GTF2I: variants seen among roughly 807,000 people sequenced by gnomAD.
GTF2I encodes the protein general transcription factor IIi.
A neutral mutation model predicts 67.6 loss-of-function variants in GTF2I; 12 were observed. The observed-to-expected ratio is 0.18, with a 90% confidence interval of 0.11 to 0.29. The LOEUF (loss-of-function observed/expected upper bound fraction) is 0.29. GTF2I is among the 10% of genes least tolerant of loss of function. The pLI is 1.00. For synonymous variants in GTF2I, 149 were observed against 197.0 expected (o/e 0.76, Z 2.04); for missense variants, 271 against 580.1 (o/e 0.47, Z 5.47).
chr7:74,708,925 C>A (rs1176557678), intron 8 of GTF2I, among the ~76,000 whole-genome samples: 1 of 152,220 alleles, frequency 6.6e-6, no homozygotes, highest in African/African-American at 2.4e-5. Context: ...ACTCTCTCCT[C>A]AAAATGGGGG....
chr7:74,699,014 C>A lies in GTF2I; in HGVS notation c.292C>A (p.Gln98Lys). ...AEMHKMKSTT[Q>K]ANRMSVDAVE... ...GATGCATAAAATGAAATCTACAACC[C>A]AGGCAAATCGGATGAGTGTAGATGC... The change falls in exon 4 of 35, where the codon CAG (glutamine) becomes AAG (lysine). Residue 98 changes from glutamine (Q) to lysine (K), a missense_variant. Gln to Lys is a moderately conservative substitution (Grantham distance 53, BLOSUM62 1). Transcript: ENST00000573035. 6.5e-7 allele frequency: 1 copy of A among 1,536,270 alleles called. No individual in the cohort carries two copies. The highest frequency in any genetic ancestry group is 1.4e-5 in the African/African-American group (1 of 72,508).
Position 74,692,022 on chromosome 7 carries a change from T to C in GTF2I, c.238+911T>C, listed in dbSNP as rs587726606. On this transcript the variant is annotated intron_variant, in intron 3 of 34. Transcript: ENST00000573035. ...AAACTCCTGACCTCAGGTGATCTGC[T>C]TGCCTTGGCCTCCCAAAGTGCTAGG... Among the ~76,000 whole-genome samples, 3 of 151,738 alleles carry C rather than the reference T, an allele frequency of 2.0e-5. No homozygotes were observed. In the South Asian group the frequency reaches 6.3e-4, roughly 32 times the overall value.
chr7:74,670,036 G>A (rs1262669754), intron 1 of GTF2I, among the ~76,000 whole-genome samples: 1 of 152,090 alleles, frequency 6.6e-6, no homozygotes, highest in African/African-American at 2.4e-5. Context: ...AGTTTGTTGG[G>A]AAATAAGCTA....
intron 3 of GTF2I, among the ~76,000 whole-genome samples, chr7:74,694,450 G>T (rs1241653066): frequency 1.3e-5 from 2 of 152,192 alleles, no homozygotes; most frequent in African/African-American, 4.8e-5. Context: ...AGCCAGGCCT[G>T]GTGGCGTGCA....
chr7:74,672,126 T>A (rs587740242), intron 1 of GTF2I, among the ~76,000 whole-genome samples: 1 of 152,244 alleles, frequency 6.6e-6, no homozygotes, highest in South Asian at 2.1e-4. Context: ...AGTTAAAAAT[T>A]AAAGTCAAAT....
At chr7:74,698,931 TTTTTA>T (rs1466731910) in intron 3 of GTF2I, 25 bp from the exon 4 acceptor site, 1 of 1,147,776 alleles carries the variant, frequency 8.7e-7, no homozygotes, top group Non-Finnish European at 1.2e-6. Flanking sequence ...TATTATTATT[TTTTTA>T]TTTTATTTTT....
At chr7:74,725,553 G>A (rs1398040668) in intron 12 of GTF2I, among the ~76,000 whole-genome samples, 1 of 151,922 alleles carries the variant, frequency 6.6e-6, no homozygotes, top group East Asian at 1.9e-4. Context: ...AATTAGCTGG[G>A]CGTGGTGGTG....
Position 74,677,214 on chromosome 7 carries a change from G to A in GTF2I, c.-5-11910G>A, listed in dbSNP as rs1285044710. Among the ~76,000 whole-genome samples, 5 of 152,164 alleles carry A rather than the reference G, an allele frequency of 3.3e-5. No homozygotes were observed. In the South Asian group the frequency reaches 6.2e-4, roughly 19 times the overall value. On this transcript the variant is annotated intron_variant, in intron 1 of 34. Transcript: ENST00000573035. ...TGAATCCTGGTTTAGACTAAAGTCA[G>A]CTGATTGAACTACTAGTATTAGATC...
At chr7:74,662,511 CTTT>C (rs1161320476) in intron 1 of GTF2I, among the ~76,000 whole-genome samples, 9 of 50,220 alleles carry the variant, frequency 1.8e-4, no homozygotes, top group South Asian at 9.9e-4. Context: ...CACCTGGACC[CTTT>C]TTTTTTTTTT....
intron 15 of GTF2I, among the ~76,000 whole-genome samples, chr7:74,733,051 C>G (rs1395263573): frequency 6.9e-6 from 1 of 145,716 alleles, no homozygotes; most frequent in African/African-American, 2.5e-5. Context: ...ACTGCAACCT[C>G]TGCCTTCCAG....
rs373994588 is a variant in GTF2I at position 74,706,926 on chromosome 7, C to T, written c.685+493C>T. On this transcript the variant is annotated intron_variant, in intron 8 of 34. Coordinates refer to ENST00000573035, the MANE Select transcript of GTF2I (RefSeq NM_032999.4). ...AGTGCAGTGGCACGACCTCGGCTCACTGCAACCTCTGCCTCTGGGTTCAAG... is the reference window on the plus strand; with the variant it reads ...AGTGCAGTGGCACGACCTCGGCTCATTGCAACCTCTGCCTCTGGGTTCAAG... Among the ~76,000 whole-genome samples, 8 of 152,352 alleles carry T rather than the reference C, an allele frequency of 5.3e-5. No homozygotes were observed. The East Asian group carries it at 1.3e-3, about 26-fold the overall frequency.
intron 1 of GTF2I, among the ~76,000 whole-genome samples, chr7:74,678,651 A>G (rs782636600): frequency 3.9e-5 from 6 of 152,094 alleles, no homozygotes; most frequent in South Asian, 2.1e-4. Context: ...AATTTAAACT[A>G]TTGTCTAAAT....
intron 8 of GTF2I, among the ~76,000 whole-genome samples, chr7:74,708,260 G>T (rs1554401928): frequency 6.6e-6 from 1 of 152,194 alleles, no homozygotes. Flanking sequence ...TCAAGATCGT[G>T]CCATTGCACT....
At chr7:74,709,373 C>T (rs151055262) in intron 8 of GTF2I, among the ~76,000 whole-genome samples, 2,450 of 152,232 alleles carry the variant, frequency 0.016, 27 homozygotes, top group South Asian at 0.036. Context: ...CTCAGCCTCC[C>T]GAGCAGCTGG....
intron 1 of GTF2I, among the ~76,000 whole-genome samples, chr7:74,674,832 C>T (rs1192186410): frequency 6.6e-6 from 1 of 151,162 alleles, no homozygotes; most frequent in African/African-American, 2.4e-5. Context: ...TGGGCATGAG[C>T]CACTATGCCC....
intron 1 of GTF2I, among the ~76,000 whole-genome samples, chr7:74,683,109 G>C (rs1236945209): frequency 6.6e-6 from 1 of 152,180 alleles, no homozygotes; most frequent in Non-Finnish European, 1.5e-5. Flanking sequence ...AGAGACAATA[G>C]CTTAGAGTTT....
At chr7:74,680,079 C>CAAAAAAAAAAAA (rs1225904374) in intron 1 of GTF2I, among the ~76,000 whole-genome samples, 1 of 30,524 alleles carries the variant, frequency 3.3e-5, no homozygotes, top group African/African-American at 1.4e-4. Flanking sequence ...GAGTCCATCT[C>CAAAAAAAAAAAA]AAAAAAAAAA....
chr7:74,691,858 C>T (rs2131298223), intron 3 of GTF2I, among the ~76,000 whole-genome samples: 1 of 151,830 alleles, frequency 6.6e-6, no homozygotes, highest in African/African-American at 2.4e-5. Flanking sequence ...CTCATTGCAA[C>T]CTCCACCTCC....
rs58149301 is a variant in GTF2I, at chr7:74,723,428, C to CTTTTTTTTTTTTTTTTTTTT, written c.943+4488_943+4507dup. ...AGGCATAAGCCACCGCTCCCGGCCT[C>CTTTTTTTTTTTTTTTTTTTT]TTTTTTTTTTTTTTTTTTTTAAGAC... On this transcript the variant is annotated intron_variant, in intron 12 of 34. Coordinates refer to ENST00000573035, the MANE Select transcript of GTF2I (RefSeq NM_032999.4). 8.2e-5 allele frequency among the ~76,000 whole-genome samples: 5 copies of CTTTTTTTTTTTTTTTTTTTT among 61,072 alleles called. 2 individuals carry two copies. Among genetic ancestry groups the CTTTTTTTTTTTTTTTTTTTT allele is most frequent in the African/African-American group, 3.3e-4 (4 of 12,114 alleles). The allele number at this position is 61,072 out of a possible 152,430, so 40.1% of individuals were successfully genotyped here. A position where few individuals can be genotyped will look rare whatever the true frequency, so the allele number is the denominator to read the frequency against.
Sources: allele counts gnomAD v4.1 joint callset (sites outside exome capture counted in the v4.1 genomes callset), GRCh38; gene constraint gnomAD v4.1.1; transcripts MANE v1.5; gene names NCBI Gene and HGNC (gene_info 2026-07-23, HGNC 2026-07-21).